Variants in ZBTB20 observed in about 807,000 individuals in gnomAD.
ZBTB20 encodes the protein zinc finger and BTB domain containing 20.
ZBTB20 carries 9 observed loss-of-function variants against 56.9 expected under a neutral mutation model. The observed-to-expected ratio is 0.16, with a 90% CI of 0.10 to 0.28. The LOEUF is 0.28. ZBTB20 is among the 10% of genes least tolerant of loss of function. The probability of loss-of-function intolerance (pLI) is 1.00; values close to 1 mark genes in which losing one functional copy is unlikely to be tolerated. For missense variants in ZBTB20, 655 were observed against 1,003.0 expected, an observed-to-expected ratio of 0.65 and a Z score of 4.69; for synonymous variants, 417 against 420.7, an observed-to-expected ratio of 0.99 and a Z score of 0.11.
intron 2 of ZBTB20, among the ~76,000 whole-genome samples, chr3:115,069,218 T>C: frequency 6.6e-6 from 1 of 152,212 alleles, no homozygotes; most frequent in East Asian, 1.9e-4. Context: ...TACAGTACAA[T>C]GCCAACTATT....
At chr3:114,731,886 A>T (rs527951751) in intron 5 of ZBTB20, among the ~76,000 whole-genome samples, 8 of 149,786 alleles carry the variant, frequency 5.3e-5, no homozygotes, top group Admixed American at 1.3e-4. Flanking sequence ...CTAGATTAGT[A>T]ACTAATCCGG....
chr3:114,579,410 T>C (rs2054416358), intron 6 of ZBTB20, among the ~76,000 whole-genome samples: 1 of 151,542 alleles, frequency 6.6e-6, no homozygotes, highest in Admixed American at 6.6e-5. Flanking sequence ...AAACATGGTA[T>C]GCACCTAATG....
At chr3:115,093,769 A>C (rs543432448) in intron 1 of ZBTB20, among the ~76,000 whole-genome samples, 1 of 152,280 alleles carries the variant, frequency 6.6e-6, no homozygotes, top group African/African-American at 2.4e-5. Flanking sequence ...TATGAAGGAA[A>C]CCTGGCAGTG....
intron 6 of ZBTB20, among the ~76,000 whole-genome samples, chr3:114,660,081 A>G (rs1287174573): frequency 6.6e-6 from 1 of 152,124 alleles, no homozygotes. Context: ...GTAAAAATGT[A>G]TTTTCCATTG....
At chr3:115,041,971 G>T (rs1275601059) in intron 2 of ZBTB20, among the ~76,000 whole-genome samples, 1 of 152,028 alleles carries the variant, frequency 6.6e-6, no homozygotes, top group Non-Finnish European at 1.5e-5. Context: ...CTAACAGATA[G>T]GAGGTAACTT....
chr3:114,413,625 A>C (rs1023317912), intron 7 of ZBTB20, among the ~76,000 whole-genome samples: 3 of 152,110 alleles, frequency 2.0e-5, no homozygotes, highest in Non-Finnish European at 4.4e-5. Context: ...GCTTGTAAGA[A>C]AGTAGGGACT....
intron 6 of ZBTB20, among the ~76,000 whole-genome samples, chr3:114,581,623 C>A (rs1169917290): frequency 6.6e-6 from 1 of 151,372 alleles, no homozygotes. Context: ...CAACAAATAA[C>A]CCAACAGAAA....
chr3:114,727,195 G>T (rs942955459), intron 5 of ZBTB20, among the ~76,000 whole-genome samples: 1 of 152,034 alleles, frequency 6.6e-6, no homozygotes, highest in Non-Finnish European at 1.5e-5. Flanking sequence ...ATCAAAAGGA[G>T]CCCAGGCCCA....
At chr3:114,901,922 AATT>A (rs1475027141) in intron 3 of ZBTB20, among the ~76,000 whole-genome samples, 3 of 152,172 alleles carry the variant, frequency 2.0e-5, no homozygotes, top group African/African-American at 7.2e-5. Context: ...ATATATAGTT[AATT>A]ATCTACAATA....
rs146095117 is a variant in ZBTB20, at chr3:115,050,259, A to G, written c.-507+20960T>C. 2.3e-3 allele frequency among the ~76,000 whole-genome samples: 356 copies of G among 152,168 alleles called. 2 individuals are homozygous for G. Among genetic ancestry groups the G allele is most frequent in the African/African-American group, 8.3e-3 (343 of 41,574 alleles). ...AAACGTTCATAAAGTTAGGATTGAA[A>G]ATTAACATTAGTAAATTAAAATATT... On this transcript the variant is annotated intron_variant, in intron 2 of 11. Coordinates refer to ENST00000675478, the MANE Select transcript of ZBTB20 (RefSeq NM_001348800.3).
chr3:114,354,590 T>TG (rs1421554670), intron 10 of ZBTB20, among the ~76,000 whole-genome samples: 136 of 148,588 alleles, frequency 9.2e-4, no homozygotes, highest in African/African-American at 2.6e-3. Context: ...TTTGTTTGTT[T>TG]TTTTTTTTTT....
chr3:114,911,963 A>G (rs2075557900), intron 3 of ZBTB20, among the ~76,000 whole-genome samples: 1 of 151,092 alleles, frequency 6.6e-6, no homozygotes, highest in African/African-American at 2.5e-5. Flanking sequence ...TCTAAGACAT[A>G]TTATAACCAA....
At chr3:114,672,930 T>A (rs76235344) in intron 6 of ZBTB20, among the ~76,000 whole-genome samples, 2,262 of 152,208 alleles carry the variant, frequency 0.015, 50 homozygotes, top group African/African-American at 0.051. Context: ...GGCCCTTTCT[T>A]GACTTATTAG....
chr3:114,987,817 C>T (rs901378747), intron 2 of ZBTB20, among the ~76,000 whole-genome samples: 1 of 151,972 alleles, frequency 6.6e-6, no homozygotes, highest in African/African-American at 2.4e-5. Context: ...CAGGTATCAG[C>T]AAAAAGTACC....
At chr3:114,638,271 T>C (rs1298332) in intron 6 of ZBTB20, among the ~76,000 whole-genome samples, 31 of 152,104 alleles carry the variant, frequency 2.0e-4, no homozygotes, top group African/African-American at 6.5e-4. Flanking sequence ...TCTTTGAACA[T>C]AGACATGATG....
intron 3 of ZBTB20, among the ~76,000 whole-genome samples, chr3:114,970,892 G>A (rs1234110047): frequency 6.6e-6 from 1 of 152,084 alleles, no homozygotes; most frequent in African/African-American, 2.4e-5. Context: ...GTGGGCGCCT[G>A]TAGTCCCAGC....
chr3:114,599,881 A>C (rs2056625017), intron 6 of ZBTB20, among the ~76,000 whole-genome samples: 1 of 152,034 alleles, frequency 6.6e-6, no homozygotes, highest in African/African-American at 2.4e-5. Flanking sequence ...TAAGAGGTCC[A>C]AACCATGTCC....
intron 7 of ZBTB20, among the ~76,000 whole-genome samples, chr3:114,407,065 G>T (rs1352965584): frequency 6.6e-6 from 1 of 152,104 alleles, no homozygotes; most frequent in Non-Finnish European, 1.5e-5. Context: ...CAGCCTAACG[G>T]CCACAGACTG....
chr3:114,441,339 T>C (rs976059996), intron 7 of ZBTB20, among the ~76,000 whole-genome samples: 8 of 152,268 alleles, frequency 5.3e-5, no homozygotes, highest in African/African-American at 1.9e-4. Context: ...TTTTTAAAAA[T>C]CAGGGGCAAA....
Sources: allele counts gnomAD v4.1 joint callset (sites outside exome capture counted in the v4.1 genomes callset), GRCh38; gene constraint gnomAD v4.1.1; transcripts MANE v1.5; gene names NCBI Gene and HGNC (gene_info 2026-07-23, HGNC 2026-07-21).